Variants in ADGRL3 observed in about 807,000 individuals in gnomAD.
ADGRL3 encodes adhesion G protein-coupled receptor L3.
In ADGRL3, 62 loss-of-function variants were observed where a neutral mutation model predicts 153.5. The ratio of observed to expected loss-of-function variants is 0.40; its 90% CI spans 0.33 to 0.50. ADGRL3 has a LOEUF of 0.50. Among genes scored for constraint, ADGRL3 ranks in the 20% least tolerant of loss-of-function variants. The pLI, the probability that ADGRL3 is intolerant of heterozygous loss-of-function variation, is 0.47. For synonymous variants in ADGRL3, 710 were observed against 672.5 expected, an observed-to-expected ratio of 1.06 and a Z score of -0.86; for missense variants, 1,641 against 1,859.4, an observed-to-expected ratio of 0.88 and a Z score of 2.16.
intron 5 of ADGRL3, among the ~76,000 whole-genome samples, chr4:61,624,009 T>A (rs1012430639): frequency 3.9e-5 from 6 of 152,028 alleles, no homozygotes; most frequent in East Asian, 3.9e-4. Flanking sequence ...TCAGAGTACA[T>A]GGGGGTGAAT....
At chr4:61,844,956 G>A (rs1037923696) in intron 9 of ADGRL3, among the ~76,000 whole-genome samples, 2 of 152,018 alleles carry the variant, frequency 1.3e-5, no homozygotes, top group Admixed American at 1.3e-4. Flanking sequence ...TGACTAGTGG[G>A]TATATGGTAT....
intron 9 of ADGRL3, among the ~76,000 whole-genome samples, chr4:61,825,957 T>G (rs2148797016): frequency 6.6e-6 from 1 of 152,286 alleles, no homozygotes; most frequent in Non-Finnish European, 1.5e-5. Context: ...GGCTGTGTGG[T>G]CACTGAGTAA....
At position 61,892,726 on chromosome 4, in the gene ADGRL3, G is replaced by A. The variant is rs536621875; in HGVS notation, c.1551G>A (p.Leu517=). 6.2e-7 allele frequency: 1 copy of A among 1,613,878 alleles called. No homozygotes were observed. The highest frequency in any genetic ancestry group is 1.7e-5 in the Admixed American group (1 of 60,020). ...TTSTTLRTTT[L]SPGRSTTPSV... ...GTACCACCCTTCGGACCACAACTTTGAGCCCAGGAAGGAGTACCACCCCGT... is the reference window on the plus strand; with the variant it reads ...GTACCACCCTTCGGACCACAACTTTAAGCCCAGGAAGGAGTACCACCCCGT... Residue 517 remains leucine, a synonymous_variant, in exon 10 of 27, where the codon TTG becomes TTA. Transcript: ENST00000683033.
chr4:61,954,407 CTTAAT>C (rs2098958441), intron 17 of ADGRL3, among the ~76,000 whole-genome samples: 1 of 151,884 alleles, frequency 6.6e-6, no homozygotes, highest in African/African-American at 2.4e-5. Context: ...CTTTGTTTCT[CTTAAT>C]TTAATTTTCA....
chr4:61,415,700 C>CT (rs1405200367), intron 2 of ADGRL3, among the ~76,000 whole-genome samples: 1 of 151,298 alleles, frequency 6.6e-6, no homozygotes, highest in African/African-American at 2.4e-5. Flanking sequence ...TCTCTTCTTC[C>CT]TTTTTTGTTT....
At chr4:61,862,538 C>T (rs2098353041) in intron 9 of ADGRL3, among the ~76,000 whole-genome samples, 1 of 152,224 alleles carries the variant, frequency 6.6e-6, no homozygotes, top group African/African-American at 2.4e-5. Flanking sequence ...TAGTTCTCCT[C>T]TCACACATGT....
chr4:61,975,965 T>C (rs2099046496), intron 17 of ADGRL3, among the ~76,000 whole-genome samples: 1 of 152,152 alleles, frequency 6.6e-6, no homozygotes, highest in African/African-American at 2.4e-5. Flanking sequence ...TCTTATCAAA[T>C]ATCCAAGTGG....
chr4:61,444,435 T>A (rs2097559565), intron 2 of ADGRL3, among the ~76,000 whole-genome samples: 1 of 152,156 alleles, frequency 6.6e-6, no homozygotes, highest in South Asian at 2.1e-4. Context: ...GCTCACCATG[T>A]TTTTTTGTTC....
intron 14 of ADGRL3, 100 bp downstream of exon 14, chr4:61,935,123 T>C (rs2098832775): frequency 1.1e-6 from 1 of 932,612 alleles, no homozygotes; most frequent in East Asian, 2.5e-5. Context: ...AGTGATGCTT[T>C]ATTTCAATGG....
At chr4:61,540,150 G>T (rs1049091176) in intron 4 of ADGRL3, among the ~76,000 whole-genome samples, 1 of 152,044 alleles carries the variant, frequency 6.6e-6, no homozygotes, top group African/African-American at 2.4e-5. Context: ...TAAATAACTC[G>T]TCCAAAGTCA....
At chr4:61,571,244 G>C (rs989359627) in intron 4 of ADGRL3, among the ~76,000 whole-genome samples, 2 of 151,854 alleles carry the variant, frequency 1.3e-5, no homozygotes, top group African/African-American at 4.8e-5. Flanking sequence ...GGAGGCTGAG[G>C]CAGGAGGATC....
chr4:61,731,441 T>G (rs1253657402), intron 7 of ADGRL3, among the ~76,000 whole-genome samples: 2 of 152,216 alleles, frequency 1.3e-5, no homozygotes, highest in South Asian at 4.1e-4. Flanking sequence ...ATTTTCTAAT[T>G]TTTTCACCCA....
intron 2 of ADGRL3, among the ~76,000 whole-genome samples, chr4:61,455,614 A>G (rs1187854957): frequency 2.0e-5 from 3 of 152,058 alleles, no homozygotes; most frequent in Non-Finnish European, 1.5e-5. Flanking sequence ...TATTATATTT[A>G]TAGTCTGCAA....
intron 1 of ADGRL3, among the ~76,000 whole-genome samples, chr4:61,331,641 C>G (rs1330885796): frequency 6.6e-6 from 1 of 151,960 alleles, no homozygotes; most frequent in Non-Finnish European, 1.5e-5. Context: ...GGTGATTTTG[C>G]CATATAGATA....
In ADGRL3 at chr4:61,528,365, CA is replaced by C. The variant is rs376298210; in HGVS notation, c.259+10848del. On this transcript the variant is annotated intron_variant, in intron 4 of 26. Coordinates refer to ENST00000683033, the MANE Select transcript of ADGRL3 (RefSeq NM_001387552.1). ...GGAGGTTGGAATATGACAACACTAT[CA>C]TACCTAGTATGTTTCCTTATCTGTT... Among the ~76,000 whole-genome samples, 31 of 152,184 alleles carry C rather than the reference CA, an allele frequency of 2.0e-4. 1 individual carries two copies. In the East Asian group the frequency reaches 5.6e-3, roughly 28 times the overall value.
intron 3 of ADGRL3, among the ~76,000 whole-genome samples, chr4:61,500,339 T>A (rs2098373455): frequency 1.3e-5 from 2 of 152,184 alleles, no homozygotes; most frequent in Admixed American, 1.3e-4. Context: ...GAAGGCTTTT[T>A]CTTTTGCCTT....
At chr4:61,305,480 G>A (rs1262678701) in intron 1 of ADGRL3, among the ~76,000 whole-genome samples, 1 of 152,154 alleles carries the variant, frequency 6.6e-6, no homozygotes, top group Non-Finnish European at 1.5e-5. Context: ...AGTTGCTGTA[G>A]GAAACACTGG....
At chr4:61,670,931 G>T (rs1345899846) in intron 5 of ADGRL3, among the ~76,000 whole-genome samples, 1 of 152,152 alleles carries the variant, frequency 6.6e-6, no homozygotes, top group Non-Finnish European at 1.5e-5. Context: ...GTCTGTGCCT[G>T]CACAGGCAAC....
chr4:61,919,912 G>T (rs1223681144), intron 13 of ADGRL3, among the ~76,000 whole-genome samples: 1 of 152,148 alleles, frequency 6.6e-6, no homozygotes, highest in African/African-American at 2.4e-5. Flanking sequence ...GTATATACAT[G>T]GTTTGTGAAT....
Sources: allele counts gnomAD v4.1 joint callset (sites outside exome capture counted in the v4.1 genomes callset), GRCh38; gene constraint gnomAD v4.1.1; transcripts MANE v1.5; gene names NCBI Gene and HGNC (gene_info 2026-07-23, HGNC 2026-07-21).